Variants in HDAC9 observed in about 807,000 individuals in gnomAD.
HDAC9 encodes the protein MEF-2 interacting transcription repressor (MITR) protein.
In HDAC9, 41 loss-of-function variants were observed where a neutral mutation model predicts 139.4. That is an observed-to-expected ratio of 0.29 (90% confidence interval 0.23 to 0.38). The LOEUF is 0.38. HDAC9 is among the 10% of genes least tolerant of loss of function. The pLI, the probability that HDAC9 is intolerant of heterozygous loss-of-function variation, is 1.00. For missense variants in HDAC9, 1,147 were observed against 1,297.0 expected, an observed-to-expected ratio of 0.88 and a Z score of 1.78; for synonymous variants, 517 against 476.2, an observed-to-expected ratio of 1.09 and a Z score of -1.12.
chr7:18,988,313 G>T (rs1455480299), intron 25 of HDAC9, among the ~76,000 whole-genome samples: 1 of 151,772 alleles, frequency 6.6e-6, no homozygotes, highest in African/African-American at 2.4e-5. Flanking sequence ...CCTTCATTTC[G>T]TTATGTACCC....
At chr7:18,873,711 T>G (rs1404369598) in intron 21 of HDAC9, among the ~76,000 whole-genome samples, 2 of 152,188 alleles carry the variant, frequency 1.3e-5, no homozygotes, top group African/African-American at 2.4e-5. Context: ...GATGGCATAC[T>G]GGTCTTCAAG....
chr7:18,463,877 T>C (rs1474202835), intron 1 of HDAC9, among the ~76,000 whole-genome samples: 2 of 151,932 alleles, frequency 1.3e-5, no homozygotes, highest in Admixed American at 1.3e-4. Context: ...GTTTATTATT[T>C]ATTATGAATT....
chr7:18,501,081 A>T (rs1479500790), intron 2 of HDAC9, among the ~76,000 whole-genome samples: 1 of 152,210 alleles, frequency 6.6e-6, no homozygotes, highest in African/African-American at 2.4e-5. Flanking sequence ...ATTCTCAAAC[A>T]TGAAAGAGGC....
intron 22 of HDAC9, among the ~76,000 whole-genome samples, chr7:18,874,844 A>G (rs1458567947): frequency 3.9e-5 from 6 of 152,150 alleles, no homozygotes; most frequent in African/African-American, 1.4e-4. Context: ...GCTTTTCAGG[A>G]GACCTGTTTT....
chr7:18,305,343 C>G lies in HDAC9; in HGVS notation c.-42+14828C>G, dbSNP rs540732923. On this transcript the variant is annotated intron_variant, in intron 1 of 3. Transcript: ENST00000413509. ...TAGCAGGTTCTCAATAAACAGTCAT[C>G]AAATATGAAAATACATGAATAATAT... Among the ~76,000 whole-genome samples, 9 of 152,040 alleles carry G rather than the reference C, an allele frequency of 5.9e-5. No homozygotes were observed. In the South Asian group the frequency reaches 1.9e-3, roughly 32 times the overall value.
At chr7:18,791,151 A>G (rs534454316) in intron 16 of HDAC9, among the ~76,000 whole-genome samples, 194 of 152,292 alleles carry the variant, frequency 1.3e-3, no homozygotes, top group Non-Finnish European at 2.5e-3. Flanking sequence ...CAAGTTCAGT[A>G]TTTATAATTT....
chr7:18,732,576 T>C (rs961538419), intron 13 of HDAC9, among the ~76,000 whole-genome samples: 4 of 142,374 alleles, frequency 2.8e-5, no homozygotes, highest in Admixed American at 2.7e-4. Context: ...TATATGTGCA[T>C]GTGTATATAC....
intron 1 of HDAC9, among the ~76,000 whole-genome samples, chr7:18,485,123 A>G (rs76501683): frequency 3.3e-5 from 5 of 152,268 alleles, no homozygotes; most frequent in African/African-American, 7.2e-5. Flanking sequence ...GTTGGGGGGA[A>G]CACATTGTTT....
At chr7:18,498,685 ACT>A (rs943485735) in intron 2 of HDAC9, among the ~76,000 whole-genome samples, 7 of 151,888 alleles carry the variant, frequency 4.6e-5, no homozygotes, top group African/African-American at 1.4e-4. Context: ...GGAGTCAGAC[ACT>A]CTGTATTCTA....
At chr7:18,098,846 T>C (rs767544575) in intron 1 of HDAC9, among the ~76,000 whole-genome samples, 23 of 152,200 alleles carry the variant, frequency 1.5e-4, no homozygotes, top group Non-Finnish European at 2.8e-4. Context: ...TTTGAACTTG[T>C]GAATCCCCGG....
chr7:18,608,781 A>G (rs1052539154), intron 6 of HDAC9, among the ~76,000 whole-genome samples: 2 of 152,168 alleles, frequency 1.3e-5, no homozygotes, highest in Non-Finnish European at 2.9e-5. Context: ...AGTATAAGTA[A>G]AAAAGGATTT....
At chr7:18,229,655 A>G (rs1793317481) in intron 2 of HDAC9, among the ~76,000 whole-genome samples, 1 of 152,194 alleles carries the variant, frequency 6.6e-6, no homozygotes, top group Non-Finnish European at 1.5e-5. Flanking sequence ...TCAGGTAGGA[A>G]GGAGTGATTA....
At chr7:18,631,661 CT>C (rs552494335) in intron 7 of HDAC9, among the ~76,000 whole-genome samples, 53 of 151,052 alleles carry the variant, frequency 3.5e-4, no homozygotes, top group African/African-American at 1.0e-3. Flanking sequence ...CACTTGCCAT[CT>C]TTTTTTTTCA....
intron 22 of HDAC9, among the ~76,000 whole-genome samples, chr7:18,875,212 G>T (rs966986745): frequency 4.6e-5 from 7 of 152,214 alleles, no homozygotes; most frequent in African/African-American, 1.7e-4. Context: ...ATGGAATCTG[G>T]CTAGAAAGAG....
At chr7:18,182,406 A>G (rs140182182) in intron 2 of HDAC9, among the ~76,000 whole-genome samples, 2 of 152,358 alleles carry the variant, frequency 1.3e-5, no homozygotes, top group African/African-American at 4.8e-5. Flanking sequence ...AAGTGTTTCA[A>G]AAGAAGAATA....
At chr7:18,655,146 A>G (rs1260950901) in intron 11 of HDAC9, among the ~76,000 whole-genome samples, 2 of 152,132 alleles carry the variant, frequency 1.3e-5, no homozygotes, top group Non-Finnish European at 1.5e-5. Flanking sequence ...TGAAAAATGG[A>G]TGAGTAGAAA....
At chr7:18,967,503 C>CG (rs1427842419) in intron 24 of HDAC9, among the ~76,000 whole-genome samples, 4 of 139,434 alleles carry the variant, frequency 2.9e-5, no homozygotes, top group Admixed American at 1.4e-4. Flanking sequence ...GTTGCCCCCC[C>CG]CCCAAAAAAA....
chr7:18,433,015 G>C (rs1270884443), intron 1 of HDAC9, among the ~76,000 whole-genome samples: 1 of 151,410 alleles, frequency 6.6e-6, no homozygotes, highest in Non-Finnish European at 1.5e-5. Flanking sequence ...CATAGTCTAT[G>C]ATTATACACA....
chr7:18,305,975 G>T (rs571253448), intron 1 of HDAC9, among the ~76,000 whole-genome samples: 3 of 152,078 alleles, frequency 2.0e-5, no homozygotes, highest in African/African-American at 7.3e-5. Context: ...ATTTATTCCC[G>T]CCCTCAGCAA....
Sources: allele counts gnomAD v4.1 joint callset (sites outside exome capture counted in the v4.1 genomes callset), GRCh38; gene constraint gnomAD v4.1.1; transcripts MANE v1.5; gene names NCBI Gene and HGNC (gene_info 2026-07-23, HGNC 2026-07-21).